Variants in GHRH observed in about 807,000 individuals in gnomAD.
GHRH encodes the protein somatoliberin.
GHRH carries 7 observed loss-of-function variants against 15.6 expected under a neutral mutation model. That is an observed-to-expected ratio of 0.45 (90% CI 0.26 to 0.84). The LOEUF (loss-of-function observed/expected upper bound fraction) is 0.84, where lower values mean the gene tolerates loss of function less well. Ranked by LOEUF, GHRH falls within the 40% of genes least tolerant of loss-of-function variation. The pLI is 0.18. For synonymous variants in GHRH, 54 were observed against 50.4 expected (o/e 1.07, Z -0.30); for missense variants, 117 against 138.0 (o/e 0.85, Z 0.76).
At chr20:37,251,818 T>C (rs1259506804) in intron 4 of GHRH, among the ~76,000 whole-genome samples, 4 of 152,232 alleles carry the variant, frequency 2.6e-5, no homozygotes, top group African/African-American at 7.2e-5. Flanking sequence ...CACATGGCTC[T>C]ACTCTGCACT....
chr20:37,256,209 A>G lies in GHRH; in HGVS notation c.188+185T>C, dbSNP rs112924963. ...TACTGTCGGAGCCTAGCCTGAAGAG[A>G]CACGTGGTAGGCATGGAGGTAAGTT... On this transcript the variant is annotated intron_variant, in intron 3 of 4. Transcript: ENST00000373614. Among the ~76,000 whole-genome samples the G allele has an allele frequency of 2.3e-3, 346 of 152,258 alleles. 2 individuals carry two copies. The highest frequency in any genetic ancestry group is 6.8e-3 in the Middle Eastern group (2 of 294).
chr20:37,256,299 A>G, intron 3 of GHRH, 95 bp downstream of exon 3: 1 of 684,790 alleles, frequency 1.5e-6, no homozygotes, highest in African/African-American at 1.8e-5. Flanking sequence ...GTGCCAAGGA[A>G]GAGATCTGAA....
At chr20:37,261,338 T>C (rs1455930727) in intron 1 of GHRH, among the ~76,000 whole-genome samples, 1 of 152,246 alleles carries the variant, frequency 6.6e-6, no homozygotes, top group Non-Finnish European at 1.5e-5. Flanking sequence ...GAATCAGTTC[T>C]GAGTGATCAA....
At chr20:37,254,461 G>T in intron 3 of GHRH, 132 bp from the exon 4 acceptor site, 1 of 889,680 alleles carries the variant, frequency 1.1e-6, no homozygotes, top group Non-Finnish European at 1.8e-6. Context: ...GCCACACTTA[G>T]GGAGGCAGTA....
At chr20:37,256,619 G>T in intron 2 of GHRH, 121 bp from the exon 3 acceptor site, 1 of 740,194 alleles carries the variant, frequency 1.4e-6, no homozygotes, top group Non-Finnish European at 2.3e-6. Context: ...CTCACCCCAA[G>T]AGAGACTCAG....
chr20:37,253,467 C>G (rs766128554), intron 4 of GHRH, among the ~76,000 whole-genome samples: 3 of 152,208 alleles, frequency 2.0e-5, no homozygotes, highest in Admixed American at 6.5e-5. Flanking sequence ...TATCACGGAA[C>G]CATTTGGTGA....
chr20:37,256,490 C>A lies in GHRH; in HGVS notation c.92G>T (p.Arg31Leu). The change falls in exon 3 of 5, where the codon CGG becomes CTG. Residue 31 changes from arginine (R) to leucine (L), a missense_variant. Physicochemically the swap from Arg to Leu is moderately radical, Grantham distance 102. Transcript: ENST00000373614. ...GTTGGTGAAGATGGCATCTGCATAC[C>A]GCCGCATCCTGTGCGGAAGGAGTCA... is the stretch of plus-strand genomic sequence containing the variant. ...PPPPLTLRMR[R>L]YADAIFTNSY... 6.2e-7 allele frequency: 1 copy of A among 1,610,610 alleles called. No individual in the cohort carries two copies. Among genetic ancestry groups the A allele is most frequent in the Non-Finnish European group, 8.5e-7 (1 of 1,177,704 alleles).
chr20:37,260,027 G>A (rs2146752934), intron 1 of GHRH, among the ~76,000 whole-genome samples: 1 of 152,344 alleles, frequency 6.6e-6, no homozygotes, highest in South Asian at 2.1e-4. Flanking sequence ...AGGAACACCT[G>A]CTTGATTGGC....
chr20:37,256,596 G>A, intron 2 of GHRH, 98 bp from the exon 3 acceptor site: 1 of 808,672 alleles, frequency 1.2e-6, no homozygotes. Context: ...TCCTTCTGTT[G>A]CCATCTGTCC....
At chr20:37,255,300 C>T (rs1248916299) in intron 3 of GHRH, among the ~76,000 whole-genome samples, 4 of 151,896 alleles carry the variant, frequency 2.6e-5, no homozygotes, top group Admixed American at 6.6e-5. Flanking sequence ...AACTAAAAAA[C>T]GTATAGGCTA....
Position 37,259,165 on chromosome 20 carries a change from G to A in GHRH, c.-19-2257C>T, listed in dbSNP as rs564824941. On this transcript the variant is annotated intron_variant, in intron 1 of 4. Transcript: ENST00000373614. ...GGGGCTAGAGAAAAGATGAGAACAC[G>A]GGATCTACCCCGAGGGCTGGCTGTG... 5.3e-5 allele frequency among the ~76,000 whole-genome samples: 8 copies of A among 152,324 alleles called. No homozygotes were observed. In the South Asian group the frequency reaches 1.0e-3, roughly 20 times the overall value.
chr20:37,252,194 G>A (rs985803613), intron 4 of GHRH, among the ~76,000 whole-genome samples: 3 of 151,508 alleles, frequency 2.0e-5, no homozygotes, highest in Non-Finnish European at 4.4e-5. Flanking sequence ...TCACAGAGTC[G>A]AAACGAAGAA....
chr20:37,254,009 C>G (rs541280198), intron 4 of GHRH, among the ~76,000 whole-genome samples: 4 of 152,322 alleles, frequency 2.6e-5, no homozygotes, highest in African/African-American at 9.6e-5. Context: ...CCTTGGCCTC[C>G]CAAAGTGTTG....
chr20:37,259,616 C>G (rs1458964867), intron 1 of GHRH, among the ~76,000 whole-genome samples: 1 of 152,176 alleles, frequency 6.6e-6, no homozygotes, highest in Non-Finnish European at 1.5e-5. Flanking sequence ...AGCTCTCCCT[C>G]TGCCTGCCCC....
chr20:37,253,134 G>T (rs913307004), intron 4 of GHRH, among the ~76,000 whole-genome samples: 4 of 152,230 alleles, frequency 2.6e-5, no homozygotes, highest in Non-Finnish European at 5.9e-5. Flanking sequence ...TTTGTGCAAA[G>T]AAGTTCCAGG....
rs1219053514 is a variant in GHRH, at chr20:37,258,802, C to A, written c.-19-1894G>T. Among the ~76,000 whole-genome samples the A allele has an allele frequency of 1.3e-5, 2 of 152,110 alleles. No individual in the cohort carries two copies. The highest frequency in any genetic ancestry group is 2.9e-5 in the Non-Finnish European group (2 of 68,022). ...TGGCCCAGGCTGAGGTGCAGTGGTG[C>A]AATCATAGCTCACTACAGCCTCAAA... On this transcript the variant is annotated intron_variant, in intron 1 of 4. Coordinates refer to ENST00000373614, the MANE Select transcript of GHRH (RefSeq NM_021081.6). This position sits in a 1 kb window ranked among gnomAD's most constrained non-coding sequence, Gnocchi z 4.1.
intron 3 of GHRH, among the ~76,000 whole-genome samples, chr20:37,256,084 G>T (rs919903821): frequency 6.6e-6 from 1 of 152,222 alleles, no homozygotes; most frequent in Non-Finnish European, 1.5e-5. Context: ...AAGGGCATCT[G>T]TGTGCCCAGC....
rs576309481 is a variant in GHRH, at chr20:37,259,764, G to C, written c.-20+1979C>G. Reference sequence around the variant, plus strand: ...AAGGAAAAGAGCCTAGAGAGGACAAGGACATTTTCCATGATCCTCCATCAA... The same window carrying C: ...AAGGAAAAGAGCCTAGAGAGGACAACGACATTTTCCATGATCCTCCATCAA... On this transcript the variant is annotated intron_variant, in intron 1 of 4. Transcript: ENST00000373614. 9.2e-5 allele frequency among the ~76,000 whole-genome samples: 14 copies of C among 152,284 alleles called. No homozygotes were observed. In the East Asian group the frequency reaches 2.7e-3, roughly 29 times the overall value.
Position 37,256,655 on chromosome 20 carries a change from C to A in GHRH, c.83+152G>T, listed in dbSNP as rs557632608. Reference sequence around the variant, plus strand: ...ACCCCTCTGAGTGACCTCTGTGAAGCTGTGTCTGCCTCCTCTGCAAGGACG... The same window carrying A: ...ACCCCTCTGAGTGACCTCTGTGAAGATGTGTCTGCCTCCTCTGCAAGGACG... On this transcript the variant is annotated intron_variant, in intron 2 of 4. Transcript: ENST00000373614. The A allele has an allele frequency of 4.1e-6, 3 of 730,016 alleles. No homozygotes were observed. The African/African-American group carries it at 5.3e-5, about 13-fold the overall frequency. The allele number at this position is 730,016 out of a possible 1,614,324, so 45.2% of individuals were successfully genotyped here.
Sources: gnomAD v4.1 joint callset for allele counts (sites outside exome capture counted in the v4.1 genomes callset) on GRCh38, gnomAD v4.1.1 for gene constraint, Gnocchi (gnomAD v3.1) non-coding constraint, MANE v1.5 for transcripts, NCBI Gene and HGNC (gene_info 2026-07-23, HGNC 2026-07-21) for gene names.